Variants in STRIP2 observed in about 807,000 individuals in gnomAD.
STRIP2 encodes striatin-interacting protein 2.
A neutral mutation model predicts 107.1 loss-of-function variants in STRIP2; 84 were observed. That is an observed-to-expected ratio of 0.78 (90% CI 0.66 to 0.94). The LOEUF is 0.94. Among genes scored for constraint, STRIP2 ranks in the 40% least tolerant of loss-of-function variants. The pLI is 0.00. For missense variants in STRIP2, 888 were observed against 1,034.2 expected (o/e 0.86, Z 1.94); for synonymous variants, 394 against 400.4 (o/e 0.98, Z 0.19).
intron 19 of STRIP2, among the ~76,000 whole-genome samples, chr7:129,482,100 C>T (rs1278412695): frequency 1.3e-5 from 2 of 151,910 alleles, no homozygotes; most frequent in Non-Finnish European, 1.5e-5. Context: ...TGCAGTGAAT[C>T]GAGACTGCAC....
intron 1 of STRIP2, among the ~76,000 whole-genome samples, chr7:129,437,189 G>C (rs1252340815): frequency 6.7e-6 from 1 of 148,914 alleles, no homozygotes; most frequent in Non-Finnish European, 1.5e-5. Flanking sequence ...TATTATCCCA[G>C]CACTTTGGGA....
rs770472508 is a variant in STRIP2 at position 129,454,184 on chromosome 7, C to T, written c.573C>T (p.Val191=). 1.2e-6 allele frequency: 2 copies of T among 1,614,068 alleles called. No homozygotes were observed. Among genetic ancestry groups the T allele is most frequent in the Non-Finnish European group, 1.7e-6 (2 of 1,180,048 alleles). The change falls in exon 6 of 21, where the codon GTC becomes GTT. Residue 191 remains valine, a synonymous_variant. Coordinates refer to ENST00000249344, the MANE Select transcript of STRIP2 (RefSeq NM_020704.3). ...GCAGTGCCCTTCGGAAACCAGCTGT[C>T]TCCATAGCTGATAGCACAGAGCTCA... is the stretch of plus-strand genomic sequence containing the variant. The part of the protein sequence containing the change: ...ACSSALRKPA[V]SIADSTELRV...
At chr7:129,482,353 C>CTATA (rs1562920474) in intron 19 of STRIP2, among the ~76,000 whole-genome samples, 1 of 98,838 alleles carries the variant, frequency 1.0e-5, no homozygotes, top group Non-Finnish European at 2.0e-5. Context: ...CTCTCTCTCT[C>CTATA]TCTATATATA....
rs986226049 is a variant in STRIP2, at chr7:129,487,724, T to C, written c.*1895T>C. ...AAATTAATCTACAGTCAGGCTAGTA[T>C]GATTTTAATATGATTTGAGTAAAAA... On this transcript the variant is annotated 3_prime_UTR_variant, in exon 21 of 21. Transcript: ENST00000249344. 2.0e-5 allele frequency: 3 copies of C among 152,348 alleles called. No individual in the cohort carries two copies. The highest frequency in any genetic ancestry group is 4.8e-5 in the African/African-American group (2 of 41,570). The allele number at this position is 152,348 out of a possible 1,614,324, so 9.4% of individuals were successfully genotyped here.
intron 4 of STRIP2, among the ~76,000 whole-genome samples, 176 bp downstream of exon 4, chr7:129,451,923 G>A (rs1798205480): frequency 6.6e-6 from 1 of 152,206 alleles, no homozygotes. Flanking sequence ...AGATAGTGTT[G>A]AGTGCTGTTC....
At chr7:129,446,135 C>T (rs1173900758) in intron 3 of STRIP2, among the ~76,000 whole-genome samples, 1 of 152,168 alleles carries the variant, frequency 6.6e-6, no homozygotes, top group Non-Finnish European at 1.5e-5. Flanking sequence ...ACTTCCGTCC[C>T]TGCCACAGTG....
chr7:129,475,291 G>GA (rs1184541408), intron 18 of STRIP2, among the ~76,000 whole-genome samples: 1 of 151,944 alleles, frequency 6.6e-6, no homozygotes, highest in East Asian at 1.9e-4. Context: ...TTGGGGGATG[G>GA]AAAATATTAA....
chr7:129,461,201 TG>T lies in STRIP2; in HGVS notation c.1476+835del, dbSNP rs2151004770. Among the ~76,000 whole-genome samples, 1 of 152,276 alleles carries T rather than the reference TG, an allele frequency of 6.6e-6. No homozygotes were observed. Among genetic ancestry groups the T allele is most frequent in the African/African-American group, 2.4e-5 (1 of 41,556 alleles). ...AGAATAAGTACCATTTGCCAGGATG[TG>T]GGGGGAATATCAAGAGTTCTGTTTT... On this transcript the variant is annotated intron_variant, in intron 13 of 20. Coordinates refer to ENST00000249344, the MANE Select transcript of STRIP2 (RefSeq NM_020704.3). The surrounding 1 kb of genome is among the most constrained non-coding windows in gnomAD (Gnocchi z 4.0).
intron 2 of STRIP2, among the ~76,000 whole-genome samples, chr7:129,442,869 C>T (rs1367103013): frequency 6.6e-6 from 1 of 152,084 alleles, no homozygotes; most frequent in Non-Finnish European, 1.5e-5. Context: ...GGTTAAATTT[C>T]CAGGAAGGGT....
intron 16 of STRIP2, 32 bp from the exon 17 acceptor site, chr7:129,467,318 A>C: frequency 2.7e-6 from 4 of 1,499,366 alleles, no homozygotes; most frequent in Non-Finnish European, 3.7e-6. Context: ...CCTCCAAATA[A>C]GCAGCCCTTT....
At position 129,483,956 on chromosome 7, in the gene STRIP2, G is replaced by A. The variant is rs1009008113; in HGVS notation, c.2254+910G>A. Among the ~76,000 whole-genome samples the A allele has an allele frequency of 5.9e-5, 9 of 152,026 alleles. No homozygotes were observed. The highest frequency in any genetic ancestry group is 1.3e-4 in the Non-Finnish European group (9 of 68,000). On this transcript the variant is annotated intron_variant, in intron 20 of 20. Coordinates refer to ENST00000249344, the MANE Select transcript of STRIP2 (RefSeq NM_020704.3). The surrounding 1 kb of genome is among the most constrained non-coding windows in gnomAD (Gnocchi z 5.1). ...ATGGAGTCTCTCCCTGTGTTGCCCAGGCTGGTCTTGAACTCCTGGGCTCAA... is the reference window on the plus strand; with the variant it reads ...ATGGAGTCTCTCCCTGTGTTGCCCAAGCTGGTCTTGAACTCCTGGGCTCAA...
intron 18 of STRIP2, among the ~76,000 whole-genome samples, 170 bp downstream of exon 18, chr7:129,470,885 G>C (rs1439386174): frequency 6.6e-6 from 1 of 152,208 alleles, no homozygotes; most frequent in Non-Finnish European, 1.5e-5. Context: ...TGCTGACCCA[G>C]TTGAGAAAGA....
chr7:129,476,623 C>G (rs1302898702), intron 18 of STRIP2, among the ~76,000 whole-genome samples: 2 of 151,402 alleles, frequency 1.3e-5, no homozygotes, highest in East Asian at 2.0e-4. Context: ...GATGGGCGGC[C>G]GGGCAGAGAC....
intron 18 of STRIP2, 75 bp from the exon 19 acceptor site, chr7:129,480,710 A>T: frequency 7.7e-7 from 1 of 1,296,822 alleles, no homozygotes; most frequent in Non-Finnish European, 1.1e-6. Context: ...AAACTGACCA[A>T]CATTGACTTC....
Position 129,483,330 on chromosome 7 carries a change from C to A in STRIP2, c.2254+284C>A. On this transcript the variant is annotated intron_variant, in intron 20 of 20. Coordinates refer to ENST00000249344, the MANE Select transcript of STRIP2 (RefSeq NM_020704.3). This position sits in a 1 kb window ranked among gnomAD's most constrained non-coding sequence, Gnocchi z 5.1. ...CATTCTTTTAAATGACAGCTTTCTCCAAAAGATTTAAATTAAAACAACTTT... is the reference window on the plus strand; with the variant it reads ...CATTCTTTTAAATGACAGCTTTCTCAAAAAGATTTAAATTAAAACAACTTT... The A allele has an allele frequency of 8.8e-7, 1 of 1,135,448 alleles. No homozygotes were observed. The allele number at this position is 1,135,448 out of a possible 1,614,324, so 70.3% of individuals were successfully genotyped here.
At chr7:129,463,953 C>A in intron 14 of STRIP2, 91 bp from the exon 15 acceptor site, 1 of 976,826 alleles carries the variant, frequency 1.0e-6, no homozygotes, top group Non-Finnish European at 1.6e-6. Flanking sequence ...GGCTTTAAAA[C>A]ACTTTTTATA....
chr7:129,456,677 C>T (rs762736783), intron 9 of STRIP2, 35 bp downstream of exon 9: 21 of 1,568,256 alleles, frequency 1.3e-5, no homozygotes, highest in East Asian at 9.0e-5. Context: ...ATTGGGACAC[C>T]GACTGGCCAA....
intron 16 of STRIP2, 95 bp from the exon 17 acceptor site, chr7:129,467,255 A>G: frequency 2.3e-6 from 2 of 872,496 alleles, no homozygotes; most frequent in Non-Finnish European, 3.7e-6. Context: ...ATTCTCAGGA[A>G]TGGATATTAG....
intron 18 of STRIP2, 101 bp downstream of exon 18, chr7:129,470,816 G>A: frequency 1.0e-6 from 1 of 961,536 alleles, no homozygotes; most frequent in South Asian, 1.4e-5. Context: ...CCTGGTTTGA[G>A]AGTCTCAGAT....
Sources: gnomAD v4.1 joint callset for allele counts (sites outside exome capture counted in the v4.1 genomes callset) on GRCh38, gnomAD v4.1.1 for gene constraint, Gnocchi (gnomAD v3.1) non-coding constraint, MANE v1.5 for transcripts, NCBI Gene and HGNC (gene_info 2026-07-23, HGNC 2026-07-21) for gene names.